GPATCH2: variants seen among roughly 807,000 people sequenced by gnomAD.
GPATCH2 encodes G-patch domain containing 2.
A neutral mutation model predicts 58.0 loss-of-function variants in GPATCH2; 51 were observed. That is an observed-to-expected ratio of 0.88 (90% CI 0.70 to 1.11). GPATCH2 has a LOEUF of 1.11. Ranked by LOEUF, GPATCH2 falls within the 50% of genes most tolerant of loss-of-function variation. The pLI, the probability that GPATCH2 is intolerant of heterozygous loss-of-function variation, is 0.00. For synonymous variants in GPATCH2, 222 were observed against 218.5 expected (o/e 1.02, Z -0.14); for missense variants, 625 against 652.2 (o/e 0.96, Z 0.45).
At chr1:217,558,412 C>A (rs993427037) in intron 5 of GPATCH2, among the ~76,000 whole-genome samples, 2 of 152,142 alleles carry the variant, frequency 1.3e-5, no homozygotes, top group East Asian at 3.8e-4. Context: ...GAATCAAACA[C>A]GGAAGGTACA....
chr1:217,511,841 T>TGTGTGTGTG (rs1558446027), intron 6 of GPATCH2, among the ~76,000 whole-genome samples: 98 of 131,700 alleles, frequency 7.4e-4, no homozygotes, highest in African/African-American at 2.6e-3. Flanking sequence ...GTGTGTGTGT[T>TGTGTGTGTG]TGTGTCTATA....
At chr1:217,627,331 T>C (rs1391496733) in intron 1 of GPATCH2, among the ~76,000 whole-genome samples, 1 of 151,974 alleles carries the variant, frequency 6.6e-6, no homozygotes, top group African/African-American at 2.4e-5. Flanking sequence ...CCTTCAATCT[T>C]TCTGAGGTCA....
chr1:217,519,664 A>G (rs1663349737), intron 5 of GPATCH2, among the ~76,000 whole-genome samples: 1 of 152,186 alleles, frequency 6.6e-6, no homozygotes, highest in Non-Finnish European at 1.5e-5. Context: ...CTTACACTGA[A>G]AGTAAAATGA....
chr1:217,621,996 T>C (rs1669212953), intron 1 of GPATCH2, among the ~76,000 whole-genome samples: 2 of 152,196 alleles, frequency 1.3e-5, no homozygotes. Context: ...TGCGTCTAAG[T>C]AGTGGAGACA....
At chr1:217,538,356 A>C (rs2102638573) in intron 5 of GPATCH2, among the ~76,000 whole-genome samples, 1 of 152,330 alleles carries the variant, frequency 6.6e-6, no homozygotes, top group South Asian at 2.1e-4. Context: ...AATGTCACTA[A>C]AATGATGTTA....
chr1:217,613,042 C>A (rs1668708224), intron 3 of GPATCH2, among the ~76,000 whole-genome samples: 1 of 151,710 alleles, frequency 6.6e-6, no homozygotes, highest in Non-Finnish European at 1.5e-5. Flanking sequence ...TTTTTCATTT[C>A]ATTTTATTTC....
intron 5 of GPATCH2, among the ~76,000 whole-genome samples, chr1:217,559,059 A>T (rs534419494): frequency 6.6e-6 from 1 of 152,162 alleles, no homozygotes; most frequent in African/African-American, 2.4e-5. Flanking sequence ...AGGAATATGT[A>T]TAATAATATT....
chr1:217,566,693 G>A (rs2102705499), intron 5 of GPATCH2, among the ~76,000 whole-genome samples: 1 of 152,258 alleles, frequency 6.6e-6, no homozygotes, highest in African/African-American at 2.4e-5. Context: ...AAGAAAGCAT[G>A]CATCCAAAAG....
intron 5 of GPATCH2, among the ~76,000 whole-genome samples, chr1:217,556,405 C>T (rs1189179774): frequency 6.6e-6 from 1 of 152,126 alleles, no homozygotes; most frequent in Non-Finnish European, 1.5e-5. Context: ...GTGTATGTAT[C>T]CCTAAATAAC....
At chr1:217,560,965 G>GA (rs1665900485) in intron 5 of GPATCH2, among the ~76,000 whole-genome samples, 1 of 152,200 alleles carries the variant, frequency 6.6e-6, no homozygotes, top group Admixed American at 6.5e-5. Context: ...ATGGGGTAGG[G>GA]AAGAAGGATG....
rs562029290 is a variant in GPATCH2 at position 217,494,721 on chromosome 1, A to T, written c.1207-2971T>A. On this transcript the variant is annotated intron_variant, in intron 7 of 9. Coordinates refer to ENST00000366935, the MANE Select transcript of GPATCH2 (RefSeq NM_018040.5). Reference sequence around the variant, plus strand: ...ATTGCGCCACTGCACTCCAGCCTGGATGAAAAAGTGAGACTCTGTCTCAAA... The same window carrying T: ...ATTGCGCCACTGCACTCCAGCCTGGTTGAAAAAGTGAGACTCTGTCTCAAA... Among the ~76,000 whole-genome samples the T allele has an allele frequency of 5.3e-5, 8 of 152,034 alleles. No homozygotes were observed. The East Asian group carries it at 1.5e-3, about 29-fold the overall frequency.
intron 8 of GPATCH2, among the ~76,000 whole-genome samples, chr1:217,453,523 A>G (rs1659773856): frequency 6.6e-6 from 1 of 152,218 alleles, no homozygotes; most frequent in Non-Finnish European, 1.5e-5. Flanking sequence ...CTCAAAAAGA[A>G]GTCTTTTTGT....
In GPATCH2 at chr1:217,433,361, C is replaced by CACATATATATATAT. The variant is rs1491151192; in HGVS notation, c.1367-1997_1367-1996insATATATATATATGT. ...ATTTATTATTGTTCTTTAAGCTGTT[C>CACATATATATATAT]ATATATATATATATATATATATATT... On this transcript the variant is annotated intron_variant, in intron 9 of 9. Transcript: ENST00000366935. Among the ~76,000 whole-genome samples, 14 of 118,520 alleles carry CACATATATATATAT rather than the reference C, an allele frequency of 1.2e-4. 1 individual carries two copies. The highest frequency in any genetic ancestry group is 4.3e-4 in the African/African-American group (13 of 30,094). The allele number at this position is 118,520 out of a possible 152,430, so 77.8% of individuals were successfully genotyped here. A position where few individuals can be genotyped will look rare whatever the true frequency, so the allele number is the denominator to read the frequency against.
intron 9 of GPATCH2, among the ~76,000 whole-genome samples, chr1:217,442,209 G>A (rs1659175094): frequency 1.3e-5 from 2 of 152,106 alleles, no homozygotes; most frequent in Non-Finnish European, 2.9e-5. Flanking sequence ...AATGGAGCTG[G>A]AAACCATCAT....
At chr1:217,615,550 T>C (rs1294776558) in intron 2 of GPATCH2, among the ~76,000 whole-genome samples, 1 of 152,222 alleles carries the variant, frequency 6.6e-6, no homozygotes, top group East Asian at 1.9e-4. Context: ...ATTGATACTT[T>C]CCTCTTTCCT....
chr1:217,538,772 T>A (rs1257209344), intron 5 of GPATCH2, among the ~76,000 whole-genome samples: 2 of 152,144 alleles, frequency 1.3e-5, no homozygotes, highest in African/African-American at 2.4e-5. Flanking sequence ...ACCAATAGAC[T>A]CTTTGGGTTA....
chr1:217,493,912 T>C (rs890098772), intron 7 of GPATCH2, among the ~76,000 whole-genome samples: 3 of 152,126 alleles, frequency 2.0e-5, no homozygotes, highest in Admixed American at 2.0e-4. Flanking sequence ...AGGCTTGTGT[T>C]ACAACAGTTC....
At chr1:217,435,139 ACAC>A (rs1658751140) in intron 9 of GPATCH2, among the ~76,000 whole-genome samples, 1 of 152,202 alleles carries the variant, frequency 6.6e-6, no homozygotes, top group Non-Finnish European at 1.5e-5. Context: ...AGCGCAGTAT[ACAC>A]CACAACCATA....
At chr1:217,625,564 T>TAA (rs1358330585) in intron 1 of GPATCH2, among the ~76,000 whole-genome samples, 3 of 152,164 alleles carry the variant, frequency 2.0e-5, no homozygotes, top group Admixed American at 1.3e-4. Context: ...CTATTCCTAA[T>TAA]AGTGAAAAAT....
Sources: allele counts gnomAD v4.1 joint callset (sites outside exome capture counted in the v4.1 genomes callset), GRCh38; gene constraint gnomAD v4.1.1; transcripts MANE v1.5; gene names NCBI Gene and HGNC (gene_info 2026-07-23, HGNC 2026-07-21).